The following LRP1B variants were observed in gnomAD, a reference collection of about 807,000 sequenced individuals.
The protein encoded by LRP1B is low-density lipoprotein receptor-related protein 1B.
Under a neutral mutation model 556.6 loss-of-function variants are expected in LRP1B, and 217 were observed. The ratio of observed to expected loss-of-function variants is 0.39; its 90% CI spans 0.35 to 0.44. The LOEUF (loss-of-function observed/expected upper bound fraction) is 0.44, where lower values mean the gene tolerates loss of function less well. Among genes scored for constraint, LRP1B ranks in the 20% least tolerant of loss-of-function variants. LRP1B has a pLI of 1.00. For synonymous variants in LRP1B, 2,047 were observed against 1,865.8 expected, an observed-to-expected ratio of 1.10 and a Z score of -2.50; for missense variants, 5,053 against 5,620.8, an observed-to-expected ratio of 0.90 and a Z score of 3.23.
chr2:140,662,633 G>T (rs954402860), intron 41 of LRP1B, among the ~76,000 whole-genome samples: 2 of 152,086 alleles, frequency 1.3e-5, no homozygotes, highest in African/African-American at 4.8e-5. Context: ...TCATTGGAAT[G>T]GATATAATTC....
At chr2:141,617,292 G>A (rs1338798951) in intron 2 of LRP1B, among the ~76,000 whole-genome samples, 1 of 152,110 alleles carries the variant, frequency 6.6e-6, no homozygotes, top group East Asian at 1.9e-4. Flanking sequence ...TTAGGGAGAA[G>A]AAAAATCAAG....
At chr2:141,488,878 T>G (rs34571231) in intron 2 of LRP1B, among the ~76,000 whole-genome samples, 12,071 of 152,184 alleles carry the variant, frequency 0.079, 556 homozygotes, top group South Asian at 0.12. Context: ...TAAAAACAAA[T>G]GTTTAGTGTC....
chr2:141,680,900 T>C (rs1446178668), intron 2 of LRP1B, among the ~76,000 whole-genome samples: 1 of 152,164 alleles, frequency 6.6e-6, no homozygotes, highest in Non-Finnish European at 1.5e-5. Flanking sequence ...TGTGCTTTTA[T>C]TGAAGTATTT....
chr2:141,930,378 A>G (rs1700465489), intron 1 of LRP1B, among the ~76,000 whole-genome samples: 3 of 152,090 alleles, frequency 2.0e-5, no homozygotes, highest in African/African-American at 7.2e-5. Flanking sequence ...CACTCATTGC[A>G]GCACAGAATA....
intron 2 of LRP1B, among the ~76,000 whole-genome samples, chr2:141,794,829 T>A (rs1043238466): frequency 6.6e-6 from 1 of 152,118 alleles, no homozygotes; most frequent in African/African-American, 2.4e-5. Flanking sequence ...AAATTATATG[T>A]CAAAAATGTC....
chr2:141,768,167 T>G (rs536735745), intron 2 of LRP1B, among the ~76,000 whole-genome samples: 1 of 152,284 alleles, frequency 6.6e-6, no homozygotes, highest in Non-Finnish European at 1.5e-5. Context: ...CACAACTTCC[T>G]ACATAATGAA....
intron 17 of LRP1B, among the ~76,000 whole-genome samples, chr2:140,988,925 A>G (rs1697009672): frequency 6.6e-6 from 1 of 152,126 alleles, no homozygotes; most frequent in African/African-American, 2.4e-5. Context: ...CTGATTAATA[A>G]TGACCTTTCT....
intron 16 of LRP1B, among the ~76,000 whole-genome samples, chr2:140,990,993 AC>A (rs1658167667): frequency 6.6e-6 from 1 of 152,164 alleles, no homozygotes; most frequent in Non-Finnish European, 1.5e-5. Context: ...CTTTGTTGAT[AC>A]GTGGTTTTAT....
intron 1 of LRP1B, among the ~76,000 whole-genome samples, chr2:141,969,963 A>G (rs1490100555): frequency 1.3e-5 from 2 of 151,520 alleles, no homozygotes; most frequent in Non-Finnish European, 3.0e-5. Context: ...CTTTTTGATA[A>G]TAGCCATTGT....
At chr2:141,816,800 T>C (rs1574394368) in intron 1 of LRP1B, among the ~76,000 whole-genome samples, 1 of 152,152 alleles carries the variant, frequency 6.6e-6, no homozygotes, top group East Asian at 1.9e-4. Flanking sequence ...CATTTTTTTT[T>C]TTCAGGAATA....
At chr2:141,193,833 C>T (rs990715126) in intron 6 of LRP1B, among the ~76,000 whole-genome samples, 2 of 151,736 alleles carry the variant, frequency 1.3e-5, no homozygotes, top group Non-Finnish European at 2.9e-5. Flanking sequence ...CATTCTGAAC[C>T]ATTGTCTAAC....
At chr2:141,856,678 A>G (rs1698062745) in intron 1 of LRP1B, among the ~76,000 whole-genome samples, 1 of 152,184 alleles carries the variant, frequency 6.6e-6, no homozygotes, top group Admixed American at 6.5e-5. Flanking sequence ...CAAAAAGAGC[A>G]AGGTGATGCA....
chr2:141,709,131 A>G (rs1692259772), intron 2 of LRP1B, among the ~76,000 whole-genome samples: 1 of 152,040 alleles, frequency 6.6e-6, no homozygotes, highest in Non-Finnish European at 1.5e-5. Flanking sequence ...CAGGCAGATC[A>G]CAAGGTCAGG....
chr2:141,939,932 A>G (rs1414108773), intron 1 of LRP1B, among the ~76,000 whole-genome samples: 1 of 152,142 alleles, frequency 6.6e-6, no homozygotes, highest in Non-Finnish European at 1.5e-5. Context: ...AAAATGATTA[A>G]TTTGGCTCAC....
intron 14 of LRP1B, among the ~76,000 whole-genome samples, chr2:141,009,735 C>T (rs939325991): frequency 4.6e-5 from 7 of 151,774 alleles, no homozygotes; most frequent in African/African-American, 1.7e-4. Flanking sequence ...TCAAGGGGAA[C>T]TTTATATTAA....
At chr2:140,826,831 G>A (rs923571304) in intron 31 of LRP1B, among the ~76,000 whole-genome samples, 3 of 152,050 alleles carry the variant, frequency 2.0e-5, no homozygotes, top group Non-Finnish European at 4.4e-5. Flanking sequence ...AGGGGAGGTG[G>A]GATTAGAAAC....
intron 3 of LRP1B, among the ~76,000 whole-genome samples, chr2:141,424,228 C>T (rs62167986): frequency 0.021 from 3,176 of 151,798 alleles, 68 homozygotes; most frequent in East Asian, 0.091. Context: ...ATTCTCCTGC[C>T]GCAGCCTCCA....
At chr2:140,882,546 C>G (rs1262703319) in intron 25 of LRP1B, among the ~76,000 whole-genome samples, 1 of 152,150 alleles carries the variant, frequency 6.6e-6, no homozygotes, top group Non-Finnish European at 1.5e-5. Context: ...ATTTTGACAA[C>G]TAATTCAAGT....
intron 11 of LRP1B, among the ~76,000 whole-genome samples, chr2:141,046,876 G>A (rs1316799713): frequency 1.3e-5 from 2 of 152,210 alleles, no homozygotes; most frequent in South Asian, 2.1e-4. Context: ...GAGGTCAGGA[G>A]TTTGAGACCA....
Sources: allele counts gnomAD v4.1 joint callset (sites outside exome capture counted in the v4.1 genomes callset), GRCh38; gene constraint gnomAD v4.1.1; transcripts MANE v1.5; gene names NCBI Gene and HGNC (gene_info 2026-07-23, HGNC 2026-07-21).